Variants in DRG1 observed in about 807,000 individuals in gnomAD.
DRG1 encodes the protein developmentally-regulated GTP-binding protein 1.
DRG1 carries 19 observed loss-of-function variants against 38.8 expected under a neutral mutation model. The observed-to-expected ratio is 0.49, with a 90% confidence interval of 0.34 to 0.72. The LOEUF is 0.72. Ranked by LOEUF, DRG1 falls within the 30% of genes least tolerant of loss-of-function variation. The pLI, the probability that DRG1 is intolerant of heterozygous loss-of-function variation, is 0.01. For missense variants in DRG1, 299 were observed against 444.8 expected (o/e 0.67, Z 2.95); for synonymous variants, 167 against 157.5 (o/e 1.06, Z -0.45).
intron 4 of DRG1, among the ~76,000 whole-genome samples, chr22:31,419,606 C>T (rs2050064771): frequency 6.6e-6 from 1 of 151,954 alleles, no homozygotes; most frequent in Non-Finnish European, 1.5e-5. Context: ...AAAGGAGGCA[C>T]AAAGGAATGC....
chr22:31,414,506 T>C (rs974069915), intron 4 of DRG1, among the ~76,000 whole-genome samples: 10 of 152,172 alleles, frequency 6.6e-5, no homozygotes, highest in African/African-American at 2.4e-4. Flanking sequence ...CAACTTGCTC[T>C]TCCCTTAGTC....
At chr22:31,404,702 A>G (rs968818608) in intron 3 of DRG1, among the ~76,000 whole-genome samples, 20 of 151,086 alleles carry the variant, frequency 1.3e-4, no homozygotes, top group African/African-American at 4.9e-4. Flanking sequence ...GCTCACTGCA[A>G]CCTCCGCCTC....
At chr22:31,426,969 G>A in intron 7 of DRG1, 91 bp from the exon 8 acceptor site, 1 of 1,572,026 alleles carries the variant, frequency 6.4e-7, no homozygotes. Context: ...GGTTGTCCTG[G>A]TCTGATGTCA....
Position 31,401,583 on chromosome 22 carries a change from CAAAAA to C in DRG1, c.166+859_166+863del, listed in dbSNP as rs951167073. 1.0e-3 allele frequency among the ~76,000 whole-genome samples: 56 copies of C among 53,738 alleles called. No homozygotes were observed. The East Asian group carries it at 0.02, about 19-fold the overall frequency. The allele number at this position is 53,738 out of a possible 152,430, so 35.3% of individuals were successfully genotyped here. A position where few individuals can be genotyped will look rare whatever the true frequency, so the allele number is the denominator to read the frequency against. On this transcript the variant is annotated intron_variant, in intron 2 of 8. Coordinates refer to ENST00000331457, the MANE Select transcript of DRG1 (RefSeq NM_004147.4). ...TGGGCTACAGAGCTAGACTCTGTCTCAAAAAAAAAAAAAAAAAAAAAAAGTATCCT... is the reference window on the plus strand; with the variant it reads ...TGGGCTACAGAGCTAGACTCTGTCTCAAAAAAAAAAAAAAAAAAGTATCCT...
chr22:31,423,331 T>C lies in DRG1; in HGVS notation c.634T>C (p.Tyr212His), dbSNP rs1050899953. The change falls in exon 6 of 9, where the codon TAC becomes CAC. Residue 212 changes from tyrosine (Y) to histidine (H), a missense_variant. Tyr to His is a moderately conservative substitution (Grantham distance 83). This residue lies in a region of DRG1 where 198 missense variants were observed against 268.1 expected (regional missense o/e 0.74). Coordinates refer to ENST00000331457, the MANE Select transcript of DRG1 (RefSeq NM_004147.4). ...AACTGTGAAGAGCATTCTGGCTGAA[T>C]ACAAGATTCATAATGCCGATGTGAC... ...AETVKSILAEYKIHNADVTLR... is the reference protein window; with the variant it reads ...AETVKSILAEHKIHNADVTLR... The C allele has an allele frequency of 6.2e-7, 1 of 1,614,130 alleles. No homozygotes were observed. Among genetic ancestry groups the C allele is most frequent in the Non-Finnish European group, 8.5e-7 (1 of 1,180,028 alleles).
intron 3 of DRG1, among the ~76,000 whole-genome samples, chr22:31,407,678 C>CTTT (rs2049996005): frequency 7.2e-6 from 1 of 138,468 alleles, no homozygotes. Flanking sequence ...TTTTTATTTT[C>CTTT]ATTTTTCTTT....
intron 7 of DRG1, 120 bp from the exon 8 acceptor site, chr22:31,426,940 C>G: frequency 6.6e-7 from 1 of 1,512,302 alleles, no homozygotes; most frequent in Non-Finnish European, 8.9e-7. Flanking sequence ...ATTGAGGACA[C>G]TTTTTCCCTT....
chr22:31,417,769 T>C (rs907244718), intron 4 of DRG1, among the ~76,000 whole-genome samples: 2 of 151,664 alleles, frequency 1.3e-5, no homozygotes, highest in African/African-American at 4.8e-5. Flanking sequence ...GGCGAGCGGA[T>C]CACCTGAGGT....
Position 31,411,530 on chromosome 22 carries a change from C to CTT in DRG1, c.412+465_412+466dup, listed in dbSNP as rs71319191. Among the ~76,000 whole-genome samples, 250 of 129,762 alleles carry CTT rather than the reference C, an allele frequency of 1.9e-3. 2 individuals carry two copies. Among genetic ancestry groups the CTT allele is most frequent in the Middle Eastern group, 4.1e-3 (1 of 242 alleles). 85.1% of individuals were successfully genotyped at this position (129,762 alleles called of 152,430 possible). A position where few individuals can be genotyped will look rare whatever the true frequency, so the allele number is the denominator to read the frequency against. ...ATACAGTTAAATTTTTCTGTCTTTTCTTTTTTTTTTTTTTTTTGGGACAGT... is the reference window on the plus strand; with the variant it reads ...ATACAGTTAAATTTTTCTGTCTTTTCTTTTTTTTTTTTTTTTTTTGGGACAGT... On this transcript the variant is annotated intron_variant, in intron 4 of 8. Coordinates refer to ENST00000331457, the MANE Select transcript of DRG1 (RefSeq NM_004147.4).
At chr22:31,411,465 G>A (rs2050017598) in intron 4 of DRG1, among the ~76,000 whole-genome samples, 1 of 151,600 alleles carries the variant, frequency 6.6e-6, no homozygotes. Flanking sequence ...ATGTTTTGCT[G>A]AAGCACATTC....
Position 31,424,454 on chromosome 22 carries a change from G to T in DRG1, c.713+1044G>T, listed in dbSNP as rs374563621. 1.4e-4 allele frequency among the ~76,000 whole-genome samples: 19 copies of T among 137,966 alleles called. 1 individual carries two copies. The East Asian group carries it at 3.0e-3, about 22-fold the overall frequency. The allele number at this position is 137,966 out of a possible 152,430, so 90.5% of individuals were successfully genotyped here. ...ACATGAGCCACTGCGTCCAGCCTGTGTTACTATCTTAAATGATAGTGGGGC... is the reference window on the plus strand; with the variant it reads ...ACATGAGCCACTGCGTCCAGCCTGTTTTACTATCTTAAATGATAGTGGGGC... On this transcript the variant is annotated intron_variant, in intron 6 of 8. Coordinates refer to ENST00000331457, the MANE Select transcript of DRG1 (RefSeq NM_004147.4).
intron 4 of DRG1, among the ~76,000 whole-genome samples, chr22:31,416,771 C>T (rs757991470): frequency 1.3e-5 from 2 of 151,652 alleles, no homozygotes; most frequent in East Asian, 1.9e-4. Context: ...GGCATGGTGG[C>T]GTGTGCCTAT....
chr22:31,420,768 A>G (rs1316299836), intron 5 of DRG1, among the ~76,000 whole-genome samples: 2 of 152,170 alleles, frequency 1.3e-5, no homozygotes, highest in African/African-American at 2.4e-5. Flanking sequence ...GCCAAGCATT[A>G]TTTTAGGCTC....
At chr22:31,423,452 G>A (rs373827710) in intron 6 of DRG1, 42 bp downstream of exon 6, 2 of 1,607,976 alleles carry the variant, frequency 1.2e-6, no homozygotes, top group Non-Finnish European at 1.7e-6. Context: ...TGAATTGGAA[G>A]CCTTGTGATG....
chr22:31,415,010 C>T (rs891084381), intron 4 of DRG1, among the ~76,000 whole-genome samples: 1 of 152,046 alleles, frequency 6.6e-6, no homozygotes, highest in Admixed American at 6.6e-5. Context: ...ACCCCGGGCT[C>T]GAGAGTCTCT....
chr22:31,430,801 C>G (rs987076561), intron 8 of DRG1, among the ~76,000 whole-genome samples: 1 of 152,048 alleles, frequency 6.6e-6, no homozygotes, highest in African/African-American at 2.4e-5. Context: ...TCACTGCAGT[C>G]TCGACTTCCC....
In DRG1 at chr22:31,432,230, C is replaced by G. The variant is rs762381940; in HGVS notation, c.1005-1642C>G. ...TAGCTGGGACTACAGGTGCAAACCA[C>G]CATGCCTGGCTAATTTTTTCTATTT... On this transcript the variant is annotated intron_variant, in intron 8 of 8. Coordinates refer to ENST00000331457, the MANE Select transcript of DRG1 (RefSeq NM_004147.4). Among the ~76,000 whole-genome samples the G allele has an allele frequency of 3.7e-4, 56 of 151,862 alleles. 1 individual carries two copies. The highest frequency in any genetic ancestry group is 6.0e-4 in the Non-Finnish European group (41 of 67,970).
chr22:31,407,195 T>TA (rs2049993736), intron 3 of DRG1, among the ~76,000 whole-genome samples: 1 of 152,208 alleles, frequency 6.6e-6, no homozygotes, highest in East Asian at 1.9e-4. Flanking sequence ...AGGGTTTCTC[T>TA]AAAGTTACCT....
At chr22:31,425,979 T>C (rs1181149141) in intron 6 of DRG1, among the ~76,000 whole-genome samples, 1 of 152,230 alleles carries the variant, frequency 6.6e-6, no homozygotes, top group Non-Finnish European at 1.5e-5. Flanking sequence ...GCTGTCATAT[T>C]GATTGGACAC....
Sources: allele counts gnomAD v4.1 joint callset (sites outside exome capture counted in the v4.1 genomes callset), GRCh38; gene constraint gnomAD v4.1.1; regional missense constraint gnomAD v4.1.1; transcripts MANE v1.5; gene names NCBI Gene and HGNC (gene_info 2026-07-23, HGNC 2026-07-21).